PPP3CA: variants seen among roughly 807,000 people sequenced by gnomAD.
The protein encoded by PPP3CA is CAM-PRP catalytic subunit.
In PPP3CA, 14 loss-of-function variants were observed where a neutral mutation model predicts 66.5. That is an observed-to-expected ratio of 0.21 (90% CI 0.14 to 0.33). PPP3CA has a LOEUF of 0.33. Among genes scored for constraint, PPP3CA ranks in the 10% least tolerant of loss-of-function variants. PPP3CA has a pLI of 1.00. For missense variants in PPP3CA, 317 were observed against 639.5 expected, an observed-to-expected ratio of 0.50 and a Z score of 5.44; for synonymous variants, 232 against 226.2, an observed-to-expected ratio of 1.03 and a Z score of -0.23.
At chr4:101,073,933 G>C (rs189410836) in intron 8 of PPP3CA, among the ~76,000 whole-genome samples, 1 of 152,340 alleles carries the variant, frequency 6.6e-6, no homozygotes, top group East Asian at 1.9e-4. Flanking sequence ...GGGCAAACAA[G>C]TGCTCAGGAC....
In PPP3CA at chr4:101,333,270, G is replaced by GTTTTTTTTTTTTTTTTTT. The variant is rs70961788; in HGVS notation, c.58+13451_58+13468dup. ...CTACAGGCATGCACTACCATGCCCA[G>GTTTTTTTTTTTTTTTTTT]TTTTTTTTTTTTTTTTTTTTTTTTT... is the stretch of plus-strand genomic sequence containing the variant. On this transcript the variant is annotated intron_variant, in intron 1 of 13. Coordinates refer to ENST00000394854, the MANE Select transcript of PPP3CA (RefSeq NM_000944.5). 1.5e-4 allele frequency among the ~76,000 whole-genome samples: 7 copies of GTTTTTTTTTTTTTTTTTT among 47,268 alleles called. 2 individuals are homozygous for GTTTTTTTTTTTTTTTTTT. Among genetic ancestry groups the GTTTTTTTTTTTTTTTTTT allele is most frequent in the Non-Finnish European group, 2.5e-4 (5 of 20,154 alleles). The allele number at this position is 47,268 out of a possible 152,430, so 31.0% of individuals were successfully genotyped here. A position where few individuals can be genotyped will look rare whatever the true frequency, so the allele number is the denominator to read the frequency against.
At chr4:101,048,079 G>A (rs748227921) in intron 10 of PPP3CA, among the ~76,000 whole-genome samples, 8 of 152,000 alleles carry the variant, frequency 5.3e-5, no homozygotes, top group Non-Finnish European at 1.2e-4. Flanking sequence ...TTTTGTGTGT[G>A]CCCCAGAGGT....
chr4:101,311,323 A>G lies in PPP3CA; in HGVS notation c.58+35416T>C, dbSNP rs115060216. Reference sequence around the variant, plus strand: ...TACATTATCTCATTTAATCTTTACAACCAGCCCTATCAGCTTGATAGTATT... The same window carrying G: ...TACATTATCTCATTTAATCTTTACAGCCAGCCCTATCAGCTTGATAGTATT... On this transcript the variant is annotated intron_variant, in intron 1 of 13. Transcript: ENST00000394854. Among the ~76,000 whole-genome samples the G allele has an allele frequency of 1.5e-3, 232 of 152,290 alleles. 1 individual carries two copies. The highest frequency in any genetic ancestry group is 5.3e-3 in the African/African-American group (220 of 41,556).
At chr4:101,345,581 G>A (rs1183634962) in intron 1 of PPP3CA, among the ~76,000 whole-genome samples, 1 of 152,126 alleles carries the variant, frequency 6.6e-6, no homozygotes, top group Non-Finnish European at 1.5e-5. Context: ...CCAGGAATGT[G>A]AGATACTACT....
chr4:101,273,735 C>T lies in PPP3CA; in HGVS notation c.58+73004G>A, dbSNP rs547131778. Among the ~76,000 whole-genome samples the T allele has an allele frequency of 1.7e-4, 26 of 152,126 alleles. No individual in the cohort carries two copies. In the South Asian group the frequency reaches 2.3e-3, roughly 13 times the overall value. ...AAATAAGCTTCAATATACATAAATC[C>T]TCTAAGGTCAGAATGAATGAAAGAA... On this transcript the variant is annotated intron_variant, in intron 1 of 13. Transcript: ENST00000394854.
At chr4:101,062,542 AG>A (rs1578412757) in intron 9 of PPP3CA, among the ~76,000 whole-genome samples, 1 of 152,168 alleles carries the variant, frequency 6.6e-6, no homozygotes, top group East Asian at 1.9e-4. Flanking sequence ...TATCACTGTT[AG>A]GCCTCCTGAA....
Position 101,271,674 on chromosome 4 carries a change from A to G in PPP3CA, c.58+75065T>C, listed in dbSNP as rs1006268512. On this transcript the variant is annotated intron_variant, in intron 1 of 13. Coordinates refer to ENST00000394854, the MANE Select transcript of PPP3CA (RefSeq NM_000944.5). ...AGAGGATCATGCCCCTTCCCCTCCC[A>G]TCTTTAGGAATCATTCCTCTTCCTG... 9.2e-5 allele frequency among the ~76,000 whole-genome samples: 14 copies of G among 152,286 alleles called. No homozygotes were observed. The East Asian group carries it at 2.3e-3, about 25-fold the overall frequency.
At chr4:101,312,243 A>G (rs1578655772) in intron 1 of PPP3CA, among the ~76,000 whole-genome samples, 1 of 152,306 alleles carries the variant, frequency 6.6e-6, no homozygotes, top group East Asian at 1.9e-4. Context: ...TCATTAAAAT[A>G]TATTCAATTT....
chr4:101,165,544 C>A (rs1423305250), intron 2 of PPP3CA, among the ~76,000 whole-genome samples: 1 of 152,116 alleles, frequency 6.6e-6, no homozygotes, highest in African/African-American at 2.4e-5. Flanking sequence ...TTATATTAAA[C>A]CCTTTTCCCT....
At chr4:101,346,476 C>T (rs1729999204) in intron 1 of PPP3CA, among the ~76,000 whole-genome samples, 1 of 152,114 alleles carries the variant, frequency 6.6e-6, no homozygotes, top group African/African-American at 2.4e-5. Context: ...GCCGCCACCT[C>T]CCCGCGGCTC....
chr4:101,334,425 C>T (rs750363242), intron 1 of PPP3CA, among the ~76,000 whole-genome samples: 3 of 152,170 alleles, frequency 2.0e-5, no homozygotes, highest in South Asian at 4.1e-4. Context: ...TGAGCCACCG[C>T]GCCCAACCCC....
intron 1 of PPP3CA, among the ~76,000 whole-genome samples, chr4:101,336,481 A>C (rs572860858): frequency 7.2e-5 from 11 of 151,940 alleles, no homozygotes; most frequent in Non-Finnish European, 1.5e-4. Flanking sequence ...CTGAGGCACA[A>C]GAATCGTTTG....
chr4:101,093,146 C>T (rs1258864229), intron 6 of PPP3CA, among the ~76,000 whole-genome samples: 1 of 152,182 alleles, frequency 6.6e-6, no homozygotes, highest in Non-Finnish European at 1.5e-5. Flanking sequence ...GATCGCCATT[C>T]TAACTGGCAT....
intron 1 of PPP3CA, among the ~76,000 whole-genome samples, chr4:101,233,602 T>C (rs1726032397): frequency 6.6e-6 from 1 of 151,622 alleles, no homozygotes; most frequent in Non-Finnish European, 1.5e-5. Context: ...TTTTCTATTA[T>C]CAAGGTAACT....
At chr4:101,200,280 G>C (rs1163425802) in intron 1 of PPP3CA, among the ~76,000 whole-genome samples, 1 of 152,154 alleles carries the variant, frequency 6.6e-6, no homozygotes, top group Non-Finnish European at 1.5e-5. Flanking sequence ...TTAAAATACT[G>C]TATCAAGCCT....
intron 8 of PPP3CA, among the ~76,000 whole-genome samples, chr4:101,066,549 T>A (rs774591888): frequency 6.6e-6 from 1 of 152,136 alleles, no homozygotes; most frequent in Non-Finnish European, 1.5e-5. Context: ...AAATTAAAAA[T>A]GAAACTACAA....
chr4:101,346,722 C>T lies in PPP3CA; in HGVS notation c.58+17G>A. The T allele has an allele frequency of 6.2e-7, 1 of 1,608,064 alleles. No homozygotes were observed. Among genetic ancestry groups the T allele is most frequent in the African/African-American group, 1.3e-5 (1 of 74,788 alleles). On this transcript the variant is annotated intron_variant, in intron 1 of 13. Transcript: ENST00000394854. Reference sequence around the variant, plus strand: ...GCGGCACACGGTGCACCCAGGCCACCGCGGCGCTCCGCTTACCTTTCACCA... The same window carrying T: ...GCGGCACACGGTGCACCCAGGCCACTGCGGCGCTCCGCTTACCTTTCACCA...
At chr4:101,317,525 TAC>T (rs1728919152) in intron 1 of PPP3CA, among the ~76,000 whole-genome samples, 1 of 152,134 alleles carries the variant, frequency 6.6e-6, no homozygotes. Flanking sequence ...TCTTTAAATT[TAC>T]ACAGATTTCC....
chr4:101,346,825 T>A lies in PPP3CA; in HGVS notation c.-29A>T, dbSNP rs1216556390. 6.2e-7 allele frequency: 1 copy of A among 1,603,754 alleles called. No homozygotes were observed. The highest frequency in any genetic ancestry group is 8.5e-7 in the Non-Finnish European group (1 of 1,175,996). On this transcript the variant is annotated 5_prime_UTR_variant, in exon 1 of 14. Coordinates refer to ENST00000394854, the MANE Select transcript of PPP3CA (RefSeq NM_000944.5). ...CAGCTGCCGGAGGACAGCGACGCGC[T>A]GCTCGTCCGTCCGACTGCACACCCC...
Sources: gnomAD v4.1 joint callset for allele counts (sites outside exome capture counted in the v4.1 genomes callset) on GRCh38, gnomAD v4.1.1 for gene constraint, MANE v1.5 for transcripts, NCBI Gene and HGNC (gene_info 2026-07-23, HGNC 2026-07-21) for gene names.